Variants in PTPRD observed in about 807,000 individuals in gnomAD.
PTPRD encodes receptor-type tyrosine-protein phosphatase delta.
In PTPRD, 34 loss-of-function variants were observed where a neutral mutation model predicts 214.5. That is an observed-to-expected ratio of 0.16 (90% CI 0.12 to 0.21). The LOEUF (loss-of-function observed/expected upper bound fraction) is 0.21. Among genes scored for constraint, PTPRD ranks in the 10% least tolerant of loss-of-function variants. The pLI is 1.00. For missense variants in PTPRD, 2,545 were observed against 2,398.7 expected (o/e 1.06, Z -1.27); for synonymous variants, 1,128 against 845.7 (o/e 1.33, Z -5.79).
chr9:9,070,269 G>A (rs545654550), intron 10 of PTPRD, among the ~76,000 whole-genome samples: 6 of 152,140 alleles, frequency 3.9e-5, no homozygotes, highest in Non-Finnish European at 8.8e-5. Context: ...AAATCAATGT[G>A]ATTTTCACAA....
chr9:8,585,638 T>C (rs1013485975), intron 14 of PTPRD, among the ~76,000 whole-genome samples: 1 of 152,246 alleles, frequency 6.6e-6, no homozygotes, highest in Non-Finnish European at 1.5e-5. Flanking sequence ...GTCAGATTTC[T>C]TAGTATCCTT....
At chr9:10,612,259 G>T (rs1185054399) in intron 2 of PTPRD, 139 bp downstream of exon 2, 1 of 149,974 alleles carries the variant, frequency 6.7e-6, no homozygotes, top group African/African-American at 2.5e-5. Context: ...TCTCAAATAG[G>T]AGCTACTGAA....
intron 11 of PTPRD, among the ~76,000 whole-genome samples, chr9:8,734,191 C>A (rs1434331243): frequency 6.6e-6 from 1 of 152,182 alleles, no homozygotes; most frequent in Non-Finnish European, 1.5e-5. Flanking sequence ...CAATTTTAGG[C>A]TCTCCTAAAG....
At chr9:8,677,353 G>A (rs1406107411) in intron 12 of PTPRD, among the ~76,000 whole-genome samples, 1 of 152,182 alleles carries the variant, frequency 6.6e-6, no homozygotes, top group Admixed American at 6.5e-5. Flanking sequence ...AAAAGAATGA[G>A]ATAATGTCCT....
At chr9:9,348,789 C>T (rs900119258) in intron 9 of PTPRD, among the ~76,000 whole-genome samples, 8 of 152,010 alleles carry the variant, frequency 5.3e-5, no homozygotes, top group Admixed American at 1.3e-4. Flanking sequence ...GAGATTCACA[C>T]GGATTATAAC....
At chr9:10,518,616 T>A (rs1396220588) in intron 2 of PTPRD, among the ~76,000 whole-genome samples, 1 of 151,884 alleles carries the variant, frequency 6.6e-6, no homozygotes, top group African/African-American at 2.4e-5. Flanking sequence ...CACTTCAAGC[T>A]CCGCCTCCCA....
chr9:10,074,800 G>C (rs2098104651), intron 3 of PTPRD, among the ~76,000 whole-genome samples: 1 of 152,096 alleles, frequency 6.6e-6, no homozygotes, highest in African/African-American at 2.4e-5. Context: ...AGCACACACA[G>C]TATATATAGC....
At chr9:10,375,912 T>A (rs963704520) in intron 2 of PTPRD, among the ~76,000 whole-genome samples, 1 of 152,056 alleles carries the variant, frequency 6.6e-6, no homozygotes, top group Admixed American at 6.6e-5. Context: ...TATCCTTTCA[T>A]TTGTTTCAAA....
chr9:9,253,090 T>A (rs1448599222), intron 9 of PTPRD, among the ~76,000 whole-genome samples: 1 of 152,112 alleles, frequency 6.6e-6, no homozygotes, highest in African/African-American at 2.4e-5. Context: ...ATTTCCAAAC[T>A]AAGATATAAA....
chr9:10,125,433 T>G, intron 3 of PTPRD, among the ~76,000 whole-genome samples: 1 of 85,512 alleles, frequency 1.2e-5, no homozygotes, highest in South Asian at 5.4e-4. Flanking sequence ...TTTATTATTA[T>G]TATTATTATT....
intron 11 of PTPRD, among the ~76,000 whole-genome samples, chr9:8,897,600 T>C (rs1047156201): frequency 6.6e-6 from 1 of 152,160 alleles, no homozygotes; most frequent in Non-Finnish European, 1.5e-5. Flanking sequence ...GACAAGGATT[T>C]CTTAGTGGGA....
intron 7 of PTPRD, among the ~76,000 whole-genome samples, chr9:9,612,569 T>C (rs776435294): frequency 5.3e-5 from 8 of 152,200 alleles, no homozygotes; most frequent in African/African-American, 1.9e-4. Context: ...CTGTTTTCTT[T>C]CTTTCCTTCC....
chr9:10,452,197 G>A (rs1292916354), intron 2 of PTPRD, among the ~76,000 whole-genome samples: 1 of 151,776 alleles, frequency 6.6e-6, no homozygotes, highest in Non-Finnish European at 1.5e-5. Flanking sequence ...GTATATATAT[G>A]GCACATTTTC....
chr9:8,864,473 T>C (rs1264056587), intron 11 of PTPRD, among the ~76,000 whole-genome samples: 2 of 152,206 alleles, frequency 1.3e-5, no homozygotes, highest in African/African-American at 2.4e-5. Flanking sequence ...ACAGCAGTTT[T>C]TCAAAGCTAG....
intron 3 of PTPRD, among the ~76,000 whole-genome samples, chr9:10,068,361 A>G (rs1255444660): frequency 6.6e-6 from 1 of 151,950 alleles, no homozygotes; most frequent in African/African-American, 2.4e-5. Flanking sequence ...TGAGTATCAT[A>G]TAAGATAATC....
chr9:10,444,360 T>C (rs1054495986), intron 2 of PTPRD, among the ~76,000 whole-genome samples: 4 of 151,860 alleles, frequency 2.6e-5, no homozygotes, highest in African/African-American at 9.7e-5. Context: ...GAAAAATGCA[T>C]AGCTCCATAG....
intron 12 of PTPRD, among the ~76,000 whole-genome samples, chr9:8,671,046 A>T (rs1398468512): frequency 2.0e-5 from 3 of 152,148 alleles, no homozygotes; most frequent in Non-Finnish European, 4.4e-5. Flanking sequence ...ATACTGTGGC[A>T]ATAGAGACAT....
chr9:8,331,429 T>TATGAAA (rs753284649), intron 44 of PTPRD, among the ~76,000 whole-genome samples, 153 bp downstream of exon 44: 2 of 150,246 alleles, frequency 1.3e-5, no homozygotes, highest in Non-Finnish European at 2.9e-5. Context: ...ATTTTCACTT[T>TATGAAA]ATGAAAAGAA....
At chr9:9,221,112 G>A (rs1012729242) in intron 9 of PTPRD, among the ~76,000 whole-genome samples, 11 of 152,008 alleles carry the variant, frequency 7.2e-5, no homozygotes, top group African/African-American at 1.7e-4. Flanking sequence ...TTCAAGTATC[G>A]GCCTGGAATT....
Sources: gnomAD v4.1 joint callset for allele counts (sites outside exome capture counted in the v4.1 genomes callset) on GRCh38, gnomAD v4.1.1 for gene constraint, MANE v1.5 for transcripts, NCBI Gene and HGNC (gene_info 2026-07-23, HGNC 2026-07-21) for gene names.